The following YIF1B variants were observed in gnomAD, a reference collection of about 807,000 sequenced individuals.
YIF1B encodes the protein Yip1 interacting factor homolog B, membrane trafficking protein.
YIF1B carries 24 observed loss-of-function variants against 34.6 expected under a neutral mutation model. That is an observed-to-expected ratio of 0.69 (90% CI 0.50 to 0.98). YIF1B has a LOEUF of 0.98. Ranked by LOEUF, YIF1B falls within the 50% of genes least tolerant of loss-of-function variation. YIF1B has a pLI of 0.00. For synonymous variants in YIF1B, 186 were observed against 184.8 expected (o/e 1.01, Z -0.05); for missense variants, 368 against 429.4 (o/e 0.86, Z 1.26).
At chr19:38,315,436 G>C in intron 1 of YIF1B, 1 of 1,311,762 alleles carries the variant, frequency 7.6e-7, no homozygotes, top group Non-Finnish European at 9.7e-7. Context: ...GAGATGAAGA[G>C]ACAGGAAAAG....
Position 38,304,710 on chromosome 19 carries a change from C to A in YIF1B, c.*642G>T. ...AGGTAAGGGGCTCTCGCCAGCGTCCCCAAGCACGTGCCCTGCACCCCAGAG... is the reference window on the plus strand; with the variant it reads ...AGGTAAGGGGCTCTCGCCAGCGTCCACAAGCACGTGCCCTGCACCCCAGAG... On this transcript the variant is annotated 3_prime_UTR_variant, in exon 8 of 8. Coordinates refer to ENST00000339413, the MANE Select transcript of YIF1B (RefSeq NM_001039672.3). 6.2e-7 allele frequency: 1 copy of A among 1,613,614 alleles called. No homozygotes were observed. The highest frequency in any genetic ancestry group is 1.3e-5 in the African/African-American group (1 of 75,038).
At chr19:38,315,683 T>C (rs1422450805) in intron 1 of YIF1B, 177 bp downstream of exon 1, 4 of 1,601,106 alleles carry the variant, frequency 2.5e-6, no homozygotes, top group Non-Finnish European at 3.4e-6. Flanking sequence ...CTAAAGGAAT[T>C]TCCTAAAGAA....
rs767655908 is a variant in YIF1B at position 38,304,840 on chromosome 19, C to T, written c.*512G>A. ...TCTCTCCCATCCCTGCCCTCGGCCC[C>T]ACAGTCCCACGCTGCTGGCTCCAAG... On this transcript the variant is annotated 3_prime_UTR_variant, in exon 8 of 8. Transcript: ENST00000339413. 3 of 1,613,714 alleles carry T rather than the reference C, an allele frequency of 1.9e-6. No homozygotes were observed. Among genetic ancestry groups the T allele is most frequent in the Non-Finnish European group, 2.5e-6 (3 of 1,179,970 alleles).
chr19:38,310,599 G>T (rs369493116), intron 1 of YIF1B, among the ~76,000 whole-genome samples: 10 of 152,076 alleles, frequency 6.6e-5, no homozygotes, highest in Admixed American at 5.2e-4. Flanking sequence ...CGAGAGGAAG[G>T]GGGGGCTATT....
At position 38,304,746 on chromosome 19, in the gene YIF1B, G is replaced by A. The variant is rs1042864796; in HGVS notation, c.*606C>T. On this transcript the variant is annotated 3_prime_UTR_variant, in exon 8 of 8. Transcript: ENST00000339413. ...CCCTGCACCCCAGAGAGGCGTCCCC[G>A]CACTGGGGCTGGCGGGGAGGGTGCG... The A allele has an allele frequency of 8.1e-6, 13 of 1,611,720 alleles. No individual in the cohort carries two copies. Among genetic ancestry groups the A allele is most frequent in the Non-Finnish European group, 1.1e-5 (13 of 1,178,350 alleles).
chr19:38,305,628 C>T, intron 7 of YIF1B, 121 bp from the exon 8 acceptor site: 1 of 1,360,004 alleles, frequency 7.4e-7, no homozygotes. Context: ...GGACAAGTCC[C>T]TGGCCCTCTG....
Position 38,305,145 on chromosome 19 carries a change from A to C in YIF1B, c.*207T>G. On this transcript the variant is annotated 3_prime_UTR_variant, in exon 8 of 8. Coordinates refer to ENST00000339413, the MANE Select transcript of YIF1B (RefSeq NM_001039672.3). Reference sequence around the variant, plus strand: ...CCCATCAGGGTTTATTGTTTCTGTAACAGCGGCCACGCCCTGGGGCGGTGG... The same window carrying C: ...CCCATCAGGGTTTATTGTTTCTGTACCAGCGGCCACGCCCTGGGGCGGTGG... 1 of 1,398,902 alleles carries C rather than the reference A, an allele frequency of 7.1e-7. No homozygotes were observed. The allele number at this position is 1,398,902 out of a possible 1,614,324, so 86.7% of individuals were successfully genotyped here.
At chr19:38,309,865 T>C in intron 1 of YIF1B, 1 of 1,403,962 alleles carries the variant, frequency 7.1e-7, no homozygotes, top group Non-Finnish European at 9.3e-7. Context: ...TACATTCATC[T>C]ATGCATCCAT....
chr19:38,315,167 C>A (rs1387780627), intron 1 of YIF1B, among the ~76,000 whole-genome samples: 1 of 151,776 alleles, frequency 6.6e-6, no homozygotes, highest in Non-Finnish European at 1.5e-5. Context: ...ATCGCTTGAA[C>A]CCGGGAGGCG....
At chr19:38,321,669 C>T (rs1969653139), upstream of YIF1B, among the ~76,000 whole-genome samples, 1 of 152,356 alleles carries the variant, frequency 6.6e-6, no homozygotes, top group Admixed American at 6.5e-5. Context: ...ACTCCTAACT[C>T]GCCCTCCCGG....
Position 38,304,425 on chromosome 19 carries a change from G to C in YIF1B, c.*927C>G, listed in dbSNP as rs547355038. On this transcript the variant is annotated 3_prime_UTR_variant, in exon 8 of 8. Coordinates refer to ENST00000339413, the MANE Select transcript of YIF1B (RefSeq NM_001039672.3). ...CGGTGTGGGGGCGGGCCACGGGGGA[G>C]ATCCCAAGCTCAGTCCCCACAAAGT... 2.6e-5 allele frequency: 40 copies of C among 1,561,330 alleles called. No individual in the cohort carries two copies. In the African/African-American group the frequency reaches 4.1e-4, roughly 16 times the overall value.
chr19:38,311,767 CA>C (rs1156912196), intron 1 of YIF1B, among the ~76,000 whole-genome samples: 4 of 152,088 alleles, frequency 2.6e-5, no homozygotes, highest in African/African-American at 9.7e-5. Flanking sequence ...CTAGGAGGGA[CA>C]GGACTTGCTG....
chr19:38,319,250 C>G (rs552524845), upstream of YIF1B, among the ~76,000 whole-genome samples: 2 of 152,228 alleles, frequency 1.3e-5, no homozygotes, highest in Non-Finnish European at 1.5e-5. Context: ...GCGTGGGTCA[C>G]TCTTGTGTCA....
At position 38,310,238 on chromosome 19, in the gene YIF1B, CCCATCTAGCCAACTAT is replaced by C. The variant is rs1453330288; in HGVS notation, c.59-611_59-596del. ...TATCCAACCATCCATCCATCCACCA[CCCATCTAGCCAACTAT>C]CCATCTAATGATGCATCCACCCACC... On this transcript the variant is annotated intron_variant, in intron 1 of 7. Coordinates refer to ENST00000339413, the MANE Select transcript of YIF1B (RefSeq NM_001039672.3). 2.1e-5 allele frequency among the ~76,000 whole-genome samples: 3 copies of C among 143,292 alleles called. No homozygotes were observed. The East Asian group carries it at 6.6e-4, about 31-fold the overall frequency. The allele number at this position is 143,292 out of a possible 152,430, so 94.0% of individuals were successfully genotyped here.
chr19:38,312,161 C>T (rs961831532), intron 1 of YIF1B, among the ~76,000 whole-genome samples: 1 of 151,168 alleles, frequency 6.6e-6, no homozygotes, highest in African/African-American at 2.4e-5. Context: ...TGGTGTCTCA[C>T]GTCTATAATC....
chr19:38,307,760 C>A lies in YIF1B; in HGVS notation c.540-8G>T. The A allele has an allele frequency of 6.2e-7, 1 of 1,604,200 alleles. No individual in the cohort carries two copies. The highest frequency in any genetic ancestry group is 8.5e-7 in the Non-Finnish European group (1 of 1,173,520). Reference sequence around the variant, plus strand: ...AGGAGGTCTGGGGAGAACCTGCAGGCACAAAGCCCCGCCACTTGGTTGGCT... The same window carrying A: ...AGGAGGTCTGGGGAGAACCTGCAGGAACAAAGCCCCGCCACTTGGTTGGCT... On this transcript the variant is annotated splice_region_variant and splice_polypyrimidine_tract_variant and intron_variant, in intron 5 of 7. Transcript: ENST00000339413.
intron 1 of YIF1B, chr19:38,315,370 T>G: frequency 3.6e-6 from 4 of 1,123,568 alleles, no homozygotes; most frequent in Admixed American, 5.1e-5. Context: ...GCCTGACACA[T>G]GGGAGTTGAG....
chr19:38,308,013 C>G (rs1969138518), intron 5 of YIF1B, among the ~76,000 whole-genome samples: 1 of 152,178 alleles, frequency 6.6e-6, no homozygotes, highest in South Asian at 2.1e-4. Context: ...AGAGGGCTTC[C>G]CAGGAGAGGG....
rs1968906954 is a variant in YIF1B at position 38,304,642 on chromosome 19, TC to T, written c.*709del. ...CATCCAGCAAGGACACCACAGCTCT[TC>T]CGACTCCAGCAGCAGCTCCAGCGAT... On this transcript the variant is annotated 3_prime_UTR_variant, in exon 8 of 8. Transcript: ENST00000339413. 4.3e-6 allele frequency: 7 copies of T among 1,613,520 alleles called. No individual in the cohort carries two copies. The East Asian group carries it at 1.6e-4, about 36-fold the overall frequency.
Sources: allele counts gnomAD v4.1 joint callset (sites outside exome capture counted in the v4.1 genomes callset), GRCh38; gene constraint gnomAD v4.1.1; transcripts MANE v1.5; gene names NCBI Gene and HGNC (gene_info 2026-07-23, HGNC 2026-07-21).